RMDN2: variants seen among roughly 807,000 people sequenced by gnomAD.
RMDN2 encodes the protein regulator of microtubule dynamics protein 2.
RMDN2 carries 61 observed loss-of-function variants against 52.8 expected under a neutral mutation model. That is an observed-to-expected ratio of 1.16 (90% CI 0.94 to 1.43). RMDN2 has a LOEUF of 1.43. RMDN2 is among the 40% of genes most tolerant of loss of function. The pLI, the probability that RMDN2 is intolerant of heterozygous loss-of-function variation, is 0.00. For synonymous variants in RMDN2, 180 were observed against 153.1 expected (o/e 1.18, Z -1.30); for missense variants, 592 against 475.3 (o/e 1.25, Z -2.28).
intron 8 of RMDN2, among the ~76,000 whole-genome samples, chr2:38,003,604 G>GGCAGACAGACAGA (rs1306774545): frequency 1.9e-5 from 2 of 103,168 alleles, no homozygotes; most frequent in Non-Finnish European, 4.4e-5. Context: ...AGATAGATAG[G>GGCAGACAGACAGA]CAGACAGACA....
chr2:38,064,993 A>T lies in RMDN2; in HGVS notation c.1714-1989A>T, dbSNP rs138510490. 2.5e-3 allele frequency among the ~76,000 whole-genome samples: 383 copies of T among 152,290 alleles called. 6 individuals carry two copies. The highest frequency in any genetic ancestry group is 7.6e-4 in the Non-Finnish European group (52 of 68,034). On this transcript the variant is annotated intron_variant, in intron 10 of 10. Transcript: ENST00000234195. ...TGACCCAACACTTCTAATCATGCGT[A>T]TGGCATGCATTACAAAGTTTACATA...
At chr2:37,950,281 G>A in intron 2 of RMDN2, 1 of 540,966 alleles carries the variant, frequency 1.8e-6, no homozygotes, top group Non-Finnish European at 3.3e-6. Flanking sequence ...TTATCCAGCT[G>A]TTTTCCCACC....
At chr2:37,963,406 G>A (rs1670551901) in intron 2 of RMDN2, among the ~76,000 whole-genome samples, 1 of 150,972 alleles carries the variant, frequency 6.6e-6, no homozygotes, top group Non-Finnish European at 1.5e-5. Flanking sequence ...TGGAGGGAAG[G>A]TCAGCAGATA....
intron 1 of RMDN2, among the ~76,000 whole-genome samples, 186 bp downstream of exon 1, chr2:37,925,611 T>C (rs137951412): frequency 6.6e-6 from 1 of 152,222 alleles, no homozygotes; most frequent in Non-Finnish European, 1.5e-5. Flanking sequence ...CAGCGGCCCA[T>C]AGTGGCTTCC....
chr2:37,954,435 A>G (rs184332372), intron 2 of RMDN2, among the ~76,000 whole-genome samples: 1 of 152,170 alleles, frequency 6.6e-6, no homozygotes, highest in Non-Finnish European at 1.5e-5. Flanking sequence ...AGTTTTCTCA[A>G]CACCATTTGT....
intron 2 of RMDN2, chr2:37,949,789 A>G (rs868347552): frequency 6.6e-6 from 1 of 152,130 alleles, no homozygotes; most frequent in South Asian, 2.1e-4. Context: ...TGTCATAGGT[A>G]AGTATACACA....
At chr2:37,967,496 G>T (rs1469496622) in intron 2 of RMDN2, among the ~76,000 whole-genome samples, 1 of 152,206 alleles carries the variant, frequency 6.6e-6, no homozygotes, top group Non-Finnish European at 1.5e-5. Context: ...AAGCAGACTG[G>T]TCAAGAGAAA....
At chr2:38,046,493 T>C (rs1441799852) in intron 10 of RMDN2, among the ~76,000 whole-genome samples, 2 of 151,782 alleles carry the variant, frequency 1.3e-5, no homozygotes, top group Non-Finnish European at 2.9e-5. Flanking sequence ...ATGAAAAACA[T>C]TAGATATCTA....
chr2:37,957,811 T>C (rs956740324), intron 2 of RMDN2, among the ~76,000 whole-genome samples: 9 of 152,208 alleles, frequency 5.9e-5, no homozygotes, highest in Admixed American at 5.2e-4. Flanking sequence ...CCTTCTTGAG[T>C]TGATTTTTGT....
Position 37,974,033 on chromosome 2 carries a change from A to AT in RMDN2, c.453-3dup. ...AAAGGAGTTGATGATTATTTCTGCGATTTTAGGTATATTACAGCTAATACT... is the reference window on the plus strand; with the variant it reads ...AAAGGAGTTGATGATTATTTCTGCGATTTTTAGGTATATTACAGCTAATACT... On this transcript the variant is annotated splice_region_variant and splice_polypyrimidine_tract_variant and intron_variant, in intron 2 of 10. Coordinates refer to ENST00000354545, the MANE Select transcript of RMDN2 (RefSeq NM_001170791.3). 3.1e-6 allele frequency: 5 copies of AT among 1,599,744 alleles called. No homozygotes were observed. The highest frequency in any genetic ancestry group is 4.3e-6 in the Non-Finnish European group (5 of 1,173,674).
At chr2:38,027,458 C>T (rs1158708682) in intron 10 of RMDN2, 2 of 152,186 alleles carry the variant, frequency 1.3e-5, no homozygotes, top group East Asian at 1.9e-4. Context: ...CTCCTCACCA[C>T]ACTTTCCAGT....
chr2:37,932,489 G>A (rs1666851766), intron 2 of RMDN2, among the ~76,000 whole-genome samples: 1 of 150,296 alleles, frequency 6.7e-6, no homozygotes, highest in Non-Finnish European at 1.5e-5. Flanking sequence ...GCAACCATCC[G>A]ATTTCTCAAT....
chr2:37,961,874 G>C (rs1446962944), intron 2 of RMDN2, among the ~76,000 whole-genome samples: 1 of 152,150 alleles, frequency 6.6e-6, no homozygotes, highest in African/African-American at 2.4e-5. Context: ...GATGGGTTTT[G>C]CGTGGGCGTC....
intron 10 of RMDN2, among the ~76,000 whole-genome samples, chr2:38,059,197 T>C (rs183748683): frequency 2.0e-5 from 3 of 152,300 alleles, no homozygotes; most frequent in Non-Finnish European, 4.4e-5. Context: ...GAATAAGGAA[T>C]TGATTTTTTA....
chr2:37,997,779 T>C (rs961420504), intron 8 of RMDN2: 23 of 382,972 alleles, frequency 6.0e-5, no homozygotes, highest in Non-Finnish European at 2.4e-5. Flanking sequence ...AAGGTTTAGG[T>C]TTGACAGCTC....
At chr2:37,930,924 G>T (rs946813292) in intron 2 of RMDN2, among the ~76,000 whole-genome samples, 1 of 152,216 alleles carries the variant, frequency 6.6e-6, no homozygotes, top group Non-Finnish European at 1.5e-5. Flanking sequence ...GGCAGCGCAT[G>T]GGTCTGTCTC....
chr2:38,047,419 A>C (rs1213863749), intron 10 of RMDN2, among the ~76,000 whole-genome samples: 1 of 152,254 alleles, frequency 6.6e-6, no homozygotes, highest in African/African-American at 2.4e-5. Flanking sequence ...ATATAATGGA[A>C]TATCATTCAA....
chr2:38,066,774 A>G, intron 10 of RMDN2: 1 of 556,822 alleles, frequency 1.8e-6, no homozygotes, highest in Non-Finnish European at 3.2e-6. Context: ...TTAAAGGAAT[A>G]TTTTTCCCAT....
chr2:37,980,606 A>C (rs1236776735), intron 4 of RMDN2, among the ~76,000 whole-genome samples: 1 of 152,094 alleles, frequency 6.6e-6, no homozygotes, highest in Non-Finnish European at 1.5e-5. Context: ...GTCCAGCCCC[A>C]AATTAATTAT....
Sources: allele counts gnomAD v4.1 joint callset (sites outside exome capture counted in the v4.1 genomes callset), GRCh38; gene constraint gnomAD v4.1.1; transcripts MANE v1.5; gene names NCBI Gene and HGNC (gene_info 2026-07-23, HGNC 2026-07-21).